The following ARHGAP26 variants were observed in gnomAD, a reference collection of about 807,000 sequenced individuals.
ARHGAP26 encodes rho GTPase-activating protein 26.
ARHGAP26 carries 38 observed loss-of-function variants against 104.8 expected under a neutral mutation model. That is an observed-to-expected ratio of 0.36 (90% CI 0.28 to 0.48). The LOEUF (loss-of-function observed/expected upper bound fraction) is 0.48. Ranked by LOEUF, ARHGAP26 falls within the 20% of genes least tolerant of loss-of-function variation. The pLI, the probability that ARHGAP26 is intolerant of heterozygous loss-of-function variation, is 0.99. For synonymous variants in ARHGAP26, 341 were observed against 340.0 expected, an observed-to-expected ratio of 1.00 and a Z score of -0.03; for missense variants, 704 against 947.9, an observed-to-expected ratio of 0.74 and a Z score of 3.38.
intron 1 of ARHGAP26, among the ~76,000 whole-genome samples, chr5:142,865,458 G>T (rs1026494269): frequency 6.7e-6 from 1 of 149,572 alleles, no homozygotes; most frequent in African/African-American, 2.5e-5. Context: ...CCCAGAACTT[G>T]GAGTTTTCAA....
chr5:143,048,829 G>C (rs577346693), intron 14 of ARHGAP26, among the ~76,000 whole-genome samples: 1 of 150,768 alleles, frequency 6.6e-6, no homozygotes, highest in South Asian at 2.1e-4. Flanking sequence ...CAGGAGAATC[G>C]CTTGAACGTG....
intron 11 of ARHGAP26, among the ~76,000 whole-genome samples, chr5:142,950,928 T>C (rs75579803): frequency 0.021 from 3,135 of 152,284 alleles, 109 homozygotes; most frequent in African/African-American, 0.07. Flanking sequence ...GGTAGATCTT[T>C]GAGAAGTGAG....
chr5:143,043,408 A>G (rs1437933371), intron 14 of ARHGAP26, among the ~76,000 whole-genome samples: 1 of 152,046 alleles, frequency 6.6e-6, no homozygotes, highest in Non-Finnish European at 1.5e-5. Context: ...GTAATATTCC[A>G]TTGTATGGAT....
At chr5:142,901,871 A>G in intron 6 of ARHGAP26, 64 bp from the exon 7 acceptor site, 1 of 1,340,952 alleles carries the variant, frequency 7.5e-7, no homozygotes, top group South Asian at 1.2e-5. Flanking sequence ...GAGCTCAGAT[A>G]CAGCTACATA....
chr5:142,944,945 A>G (rs1766888310), intron 11 of ARHGAP26, among the ~76,000 whole-genome samples: 2 of 151,904 alleles, frequency 1.3e-5, no homozygotes, highest in Non-Finnish European at 2.9e-5. Context: ...CCCCAACCCC[A>G]TTGCTCAGAT....
intron 11 of ARHGAP26, among the ~76,000 whole-genome samples, chr5:142,939,641 C>T (rs1332562667): frequency 1.3e-5 from 2 of 152,166 alleles, no homozygotes; most frequent in Admixed American, 1.3e-4. Flanking sequence ...AAGATGAGCT[C>T]TCAGGATTAG....
At chr5:142,920,463 A>G (rs1379351919) in intron 10 of ARHGAP26, among the ~76,000 whole-genome samples, 1 of 152,210 alleles carries the variant, frequency 6.6e-6, no homozygotes, top group Non-Finnish European at 1.5e-5. Context: ...GGTGTTTTCC[A>G]GGAGGGCCTA....
chr5:142,888,754 C>T (rs1758070192), intron 5 of ARHGAP26, among the ~76,000 whole-genome samples: 1 of 152,218 alleles, frequency 6.6e-6, no homozygotes, highest in Non-Finnish European at 1.5e-5. Flanking sequence ...AAACAGTAGT[C>T]ATTGATTCAA....
At chr5:143,101,560 C>T (rs1255793731) in intron 17 of ARHGAP26, among the ~76,000 whole-genome samples, 1 of 152,066 alleles carries the variant, frequency 6.6e-6, no homozygotes, top group African/African-American at 2.4e-5. Context: ...CTTTCCTTAA[C>T]ATCCAACCAG....
chr5:143,028,254 A>G (rs1429513765), intron 12 of ARHGAP26, among the ~76,000 whole-genome samples: 1 of 152,210 alleles, frequency 6.6e-6, no homozygotes, highest in Non-Finnish European at 1.5e-5. Flanking sequence ...AGTAAGTGTT[A>G]GCCACGGTTA....
At chr5:142,813,099 G>A (rs902412406) in intron 1 of ARHGAP26, among the ~76,000 whole-genome samples, 12 of 151,792 alleles carry the variant, frequency 7.9e-5, no homozygotes, top group Admixed American at 2.6e-4. Context: ...TACCATGCCC[G>A]GCTAACTTTT....
chr5:143,026,208 A>G (rs1781037695), intron 12 of ARHGAP26, among the ~76,000 whole-genome samples: 1 of 152,172 alleles, frequency 6.6e-6, no homozygotes, highest in Non-Finnish European at 1.5e-5. Flanking sequence ...AGCTGGTGAA[A>G]ACATGGATTG....
chr5:142,791,260 G>C (rs1182676481), intron 1 of ARHGAP26, among the ~76,000 whole-genome samples: 1 of 151,988 alleles, frequency 6.6e-6, no homozygotes, highest in Non-Finnish European at 1.5e-5. Context: ...CTTCCTTTGG[G>C]GTAGCCCAAG....
In ARHGAP26 at chr5:142,911,694, A is replaced by G. The variant is rs77153832; in HGVS notation, c.934-1505A>G. Among the ~76,000 whole-genome samples, 820 of 152,278 alleles carry G rather than the reference A, an allele frequency of 5.4e-3. 10 individuals are homozygous for G. The highest frequency in any genetic ancestry group is 0.019 in the African/African-American group (796 of 41,552). Reference sequence around the variant, plus strand: ...TTCTGCATGTATTTGGTGATCCTTTATATATCCCTATTCCCTCCCATTTCT... The same window carrying G: ...TTCTGCATGTATTTGGTGATCCTTTGTATATCCCTATTCCCTCCCATTTCT... On this transcript the variant is annotated intron_variant, in intron 9 of 22. Coordinates refer to ENST00000645722, the MANE Select transcript of ARHGAP26 (RefSeq NM_001135608.3).
At chr5:143,176,148 T>C (rs76497232) in intron 20 of ARHGAP26, among the ~76,000 whole-genome samples, 2 of 152,090 alleles carry the variant, frequency 1.3e-5, no homozygotes, top group Admixed American at 6.6e-5. Context: ...AAATGAAATA[T>C]GACACGTGAC....
chr5:142,774,502 C>G (rs1253577155), intron 1 of ARHGAP26, among the ~76,000 whole-genome samples: 1 of 151,958 alleles, frequency 6.6e-6, no homozygotes, highest in Non-Finnish European at 1.5e-5. Flanking sequence ...TCATACCTGT[C>G]CCTTCCAGTT....
chr5:142,835,738 G>C (rs1233480179), intron 1 of ARHGAP26, among the ~76,000 whole-genome samples: 1 of 152,152 alleles, frequency 6.6e-6, no homozygotes, highest in East Asian at 1.9e-4. Context: ...ATGAAATTAG[G>C]TAACCCATGG....
At chr5:142,951,827 G>A (rs1768431236) in intron 11 of ARHGAP26, among the ~76,000 whole-genome samples, 1 of 152,180 alleles carries the variant, frequency 6.6e-6, no homozygotes. Flanking sequence ...TATGGCATGT[G>A]GATTAGTTTC....
chr5:142,777,360 A>G (rs1756535557), intron 1 of ARHGAP26, among the ~76,000 whole-genome samples: 2 of 152,208 alleles, frequency 1.3e-5, no homozygotes, highest in Non-Finnish European at 2.9e-5. Flanking sequence ...GCATAAGCTA[A>G]TGATCCAAGC....
Sources: gnomAD v4.1 joint callset for allele counts (sites outside exome capture counted in the v4.1 genomes callset) on GRCh38, gnomAD v4.1.1 for gene constraint, MANE v1.5 for transcripts, NCBI Gene and HGNC (gene_info 2026-07-23, HGNC 2026-07-21) for gene names.